The following CFAP299 variants were observed in gnomAD, a reference collection of about 807,000 sequenced individuals.
CFAP299 encodes cilia and flagella associated protein 299, also known as cilia- and flagella-associated protein 299.
CFAP299 carries 21 observed loss-of-function variants against 27.0 expected under a neutral mutation model. The observed-to-expected ratio is 0.78, with a 90% CI of 0.55 to 1.12. The LOEUF (loss-of-function observed/expected upper bound fraction) is 1.12, where lower values mean the gene tolerates loss of function less well. Among genes scored for constraint, CFAP299 ranks in the 50% most tolerant of loss-of-function variants. The probability of loss-of-function intolerance (pLI) is 0.00; values close to 1 mark genes in which losing one functional copy is unlikely to be tolerated. For synonymous variants in CFAP299, 104 were observed against 98.1 expected, an observed-to-expected ratio of 1.06 and a Z score of -0.36; for missense variants, 310 against 276.6, an observed-to-expected ratio of 1.12 and a Z score of -0.86.
intron 2 of CFAP299, among the ~76,000 whole-genome samples, chr4:80,557,527 G>A (rs189155999): frequency 2.2e-4 from 34 of 152,110 alleles, no homozygotes; most frequent in Non-Finnish European, 3.7e-4. Flanking sequence ...TGTGATTTAG[G>A]AGTTACTGCC....
At chr4:80,478,809 T>A (rs1028252246) in intron 2 of CFAP299, among the ~76,000 whole-genome samples, 12 of 151,692 alleles carry the variant, frequency 7.9e-5, no homozygotes, top group African/African-American at 2.9e-4. Context: ...TAAAGTCGTA[T>A]TTGGTGTGGG....
At chr4:80,933,167 T>C (rs1736712051) in intron 4 of CFAP299, among the ~76,000 whole-genome samples, 1 of 143,182 alleles carries the variant, frequency 7.0e-6, no homozygotes, top group Non-Finnish European at 1.5e-5. Flanking sequence ...TTTCCTTTCC[T>C]TTCTTTCTTT....
chr4:80,827,489 A>T (rs763070318), intron 3 of CFAP299, among the ~76,000 whole-genome samples: 2 of 151,940 alleles, frequency 1.3e-5, no homozygotes, highest in African/African-American at 2.4e-5. Flanking sequence ...ATTGATGAAG[A>T]AAAAGCATTC....
At chr4:80,591,285 G>A (rs931999255) in intron 3 of CFAP299, among the ~76,000 whole-genome samples, 125 of 150,566 alleles carry the variant, frequency 8.3e-4, no homozygotes, top group African/African-American at 2.9e-3. Flanking sequence ...CACTACGCCC[G>A]GCTAATTTTT....
intron 3 of CFAP299, among the ~76,000 whole-genome samples, chr4:80,597,172 G>A (rs1055065676): frequency 9.2e-5 from 14 of 151,942 alleles, no homozygotes; most frequent in South Asian, 4.1e-4. Flanking sequence ...TGATTGGGCC[G>A]GTATAAATTC....
At chr4:80,893,167 G>A (rs1734430903) in intron 4 of CFAP299, among the ~76,000 whole-genome samples, 1 of 151,476 alleles carries the variant, frequency 6.6e-6, no homozygotes, top group Admixed American at 6.6e-5. Context: ...GCTTAGGAAT[G>A]AATTTAACCA....
chr4:80,373,108 G>T (rs1724227994), intron 2 of CFAP299, among the ~76,000 whole-genome samples: 2 of 152,050 alleles, frequency 1.3e-5, no homozygotes, highest in South Asian at 4.1e-4. Context: ...AATGATCCCT[G>T]AGTGGCTGCA....
At chr4:80,776,874 TAA>T (rs1244795792) in intron 3 of CFAP299, among the ~76,000 whole-genome samples, 5 of 132,814 alleles carry the variant, frequency 3.8e-5, no homozygotes, top group African/African-American at 2.8e-5. Context: ...CTCTCTAACC[TAA>T]AAAAAAAAAA....
chr4:80,430,057 A>G (rs1013529669), intron 2 of CFAP299, among the ~76,000 whole-genome samples: 2 of 152,134 alleles, frequency 1.3e-5, no homozygotes, highest in African/African-American at 4.8e-5. Context: ...TAAATCTAAT[A>G]AGCATTTTAT....
intron 3 of CFAP299, among the ~76,000 whole-genome samples, chr4:80,806,138 C>T (rs182260179): frequency 8.5e-5 from 13 of 152,088 alleles, no homozygotes; most frequent in African/African-American, 2.9e-4. Flanking sequence ...ATATTCATCC[C>T]GATTAATTTC....
chr4:80,756,178 T>C (rs1188636405), intron 3 of CFAP299, among the ~76,000 whole-genome samples: 1 of 152,124 alleles, frequency 6.6e-6, no homozygotes, highest in Non-Finnish European at 1.5e-5. Context: ...TTTTTGCTGA[T>C]TTTATTTTTA....
chr4:80,629,771 T>C (rs1398957485), intron 3 of CFAP299, among the ~76,000 whole-genome samples: 1 of 151,582 alleles, frequency 6.6e-6, no homozygotes, highest in Non-Finnish European at 1.5e-5. Flanking sequence ...TCCCAGCTAC[T>C]TGGAAGGCTG....
At chr4:80,497,140 C>T (rs1247477896) in intron 2 of CFAP299, among the ~76,000 whole-genome samples, 3 of 152,084 alleles carry the variant, frequency 2.0e-5, no homozygotes, top group African/African-American at 7.2e-5. Flanking sequence ...CATGGTGGCA[C>T]ACACCTGTAA....
chr4:80,366,686 A>G (rs1313805892), intron 2 of CFAP299, among the ~76,000 whole-genome samples: 2 of 152,190 alleles, frequency 1.3e-5, no homozygotes, highest in Admixed American at 6.5e-5. Flanking sequence ...GAGTTACTAT[A>G]TGACCCAGCA....
intron 1 of CFAP299, among the ~76,000 whole-genome samples, chr4:80,361,950 A>AT (rs1723568318): frequency 6.6e-6 from 1 of 152,108 alleles, no homozygotes; most frequent in Non-Finnish European, 1.5e-5. Flanking sequence ...CTATTAATAT[A>AT]TAAATACTGT....
chr4:80,338,524 T>G (rs1221723452), intron 1 of CFAP299, among the ~76,000 whole-genome samples: 1 of 152,206 alleles, frequency 6.6e-6, no homozygotes, highest in Non-Finnish European at 1.5e-5. Context: ...AAATTCCATT[T>G]TTTACCTACA....
At chr4:80,908,648 C>T (rs1317146016) in intron 4 of CFAP299, among the ~76,000 whole-genome samples, 1 of 152,146 alleles carries the variant, frequency 6.6e-6, no homozygotes, top group Non-Finnish European at 1.5e-5. Flanking sequence ...GTTCTTTAGA[C>T]ATAAATGTGC....
chr4:80,729,073 C>A (rs2110053290), intron 3 of CFAP299, among the ~76,000 whole-genome samples: 1 of 152,280 alleles, frequency 6.6e-6, no homozygotes, highest in Non-Finnish European at 1.5e-5. Flanking sequence ...TGCGTTTCTA[C>A]CCTAAGTATG....
At chr4:80,889,790 C>A (rs2110184780) in intron 4 of CFAP299, among the ~76,000 whole-genome samples, 1 of 152,146 alleles carries the variant, frequency 6.6e-6, no homozygotes, top group Admixed American at 6.5e-5. Flanking sequence ...CCAAGTAGGA[C>A]TCATCCCAGG....
Sources: allele counts gnomAD v4.1 joint callset (sites outside exome capture counted in the v4.1 genomes callset), GRCh38; gene constraint gnomAD v4.1.1; transcripts MANE v1.5; gene names NCBI Gene and HGNC (gene_info 2026-07-23, HGNC 2026-07-21).